ASAP1: variants seen among roughly 807,000 people sequenced by gnomAD.
ASAP1 encodes ArfGAP with SH3 domain, ankyrin repeat and PH domain 1, also known as arf-GAP with SH3 domain, ANK repeat and PH domain-containing protein 1.
In ASAP1, 43 loss-of-function variants were observed where a neutral mutation model predicts 145.2. The observed-to-expected ratio is 0.30, with a 90% CI of 0.23 to 0.38. The LOEUF is 0.38. Among genes scored for constraint, ASAP1 ranks in the 10% least tolerant of loss-of-function variants. The probability of loss-of-function intolerance (pLI) is 1.00; values close to 1 mark genes in which losing one functional copy is unlikely to be tolerated. For missense variants in ASAP1, 1,018 were observed against 1,355.3 expected, an observed-to-expected ratio of 0.75 and a Z score of 3.91; for synonymous variants, 546 against 515.5, an observed-to-expected ratio of 1.06 and a Z score of -0.80.
At position 130,125,992 on chromosome 8, in the gene ASAP1, A is replaced by G. The variant is rs1225718295; in HGVS notation, c.1479T>C (p.Ser493=). ...AAGTTCCTAATTTGTCTAGTTCCAA[A>G]GACTGAATGCGAGAAATATGAACCC... is the stretch of plus-strand genomic sequence containing the variant. The part of the protein sequence containing the change: ...EMGVHISRIQ[S]LELDKLGTSE... The change falls in exon 17 of 30, where the codon TCT becomes TCC. Residue 493 remains serine (S), a synonymous_variant. Transcript: ENST00000518721. 2.5e-6 allele frequency: 4 copies of G among 1,614,034 alleles called. No homozygotes were observed. Among genetic ancestry groups the G allele is most frequent in the Admixed American group, 3.3e-5 (2 of 59,990 alleles).
At chr8:130,242,563 T>A (rs769684074) in intron 3 of ASAP1, among the ~76,000 whole-genome samples, 3 of 152,086 alleles carry the variant, frequency 2.0e-5, no homozygotes, top group Non-Finnish European at 4.4e-5. Flanking sequence ...TGAAGAGCAA[T>A]GTGTTTAGGG....
intron 3 of ASAP1, among the ~76,000 whole-genome samples, chr8:130,280,357 T>C (rs1352659548): frequency 6.6e-6 from 1 of 152,264 alleles, no homozygotes; most frequent in African/African-American, 2.4e-5. Flanking sequence ...TGTGATTATA[T>C]GTCCCAAGAA....
At chr8:130,246,535 A>ACT (rs764847111) in intron 3 of ASAP1, among the ~76,000 whole-genome samples, 64 of 151,154 alleles carry the variant, frequency 4.2e-4, no homozygotes, top group Non-Finnish European at 8.7e-4. Context: ...CGGTGCTTCC[A>ACT]CTCTCTCTCT....
intron 3 of ASAP1, among the ~76,000 whole-genome samples, chr8:130,349,578 T>C (rs988040822): frequency 1.3e-5 from 2 of 152,138 alleles, no homozygotes; most frequent in Admixed American, 6.5e-5. Context: ...CTAGAAGTAA[T>C]AGGGATACAA....
At position 130,358,040 on chromosome 8, in the gene ASAP1, T is replaced by G; in HGVS notation, c.163A>C (p.Asn55His). The change falls in exon 3 of 30, where the codon AAC (asparagine) becomes CAC (histidine). Residue 55 changes from asparagine to histidine, a missense_variant. Transcript: ENST00000518721. This position sits in a 1 kb window ranked among gnomAD's most constrained non-coding sequence, Gnocchi z 4.1. Reference sequence around the variant, plus strand: ...ACCTCCTCCAGCAGCGTGACGGTGTTCCTGCAGTTGTGCAGCCGCGTGGTG... The same window carrying G: ...ACCTCCTCCAGCAGCGTGACGGTGTGCCTGCAGTTGTGCAGCCGCGTGGTG... ...SFTTRLHNCR[N>H]TVTLLEEALD... 1 of 1,609,490 alleles carries G rather than the reference T, an allele frequency of 6.2e-7. No individual in the cohort carries two copies. Among genetic ancestry groups the G allele is most frequent in the Non-Finnish European group, 8.5e-7 (1 of 1,178,622 alleles).
chr8:130,220,215 T>G (rs2136486757), intron 4 of ASAP1, among the ~76,000 whole-genome samples: 1 of 152,358 alleles, frequency 6.6e-6, no homozygotes, highest in Middle Eastern at 3.4e-3. Flanking sequence ...CGATTTCAAC[T>G]GCCAGCATTT....
At chr8:130,087,367 A>G (rs1458735472) in intron 25 of ASAP1, among the ~76,000 whole-genome samples, 1 of 152,126 alleles carries the variant, frequency 6.6e-6, no homozygotes, top group African/African-American at 2.4e-5. Flanking sequence ...TAAAAATACA[A>G]AAATCAGCTG....
At chr8:130,363,136 G>A (rs1826795499) in intron 2 of ASAP1, among the ~76,000 whole-genome samples, 2 of 152,304 alleles carry the variant, frequency 1.3e-5, no homozygotes, top group African/African-American at 2.4e-5. Context: ...ACGAGCTAAG[G>A]TATATAAAGT....
intron 3 of ASAP1, among the ~76,000 whole-genome samples, chr8:130,267,099 T>A: frequency 8.0e-6 from 1 of 125,758 alleles, no homozygotes; most frequent in African/African-American, 2.6e-5. Context: ...TGAGACTCTG[T>A]CTCAAAACAA....
chr8:130,421,963 G>C (rs1829736277), intron 1 of ASAP1, among the ~76,000 whole-genome samples: 1 of 152,170 alleles, frequency 6.6e-6, no homozygotes, highest in Admixed American at 6.5e-5. Context: ...TCTGCTCTCA[G>C]AAAGCCACAA....
intron 4 of ASAP1, among the ~76,000 whole-genome samples, chr8:130,215,514 C>A (rs964261177): frequency 2.6e-5 from 4 of 151,970 alleles, no homozygotes; most frequent in African/African-American, 9.7e-5. Context: ...GAGGCCAAGG[C>A]GGGCCGATCA....
At chr8:130,394,659 G>A (rs188901461) in intron 2 of ASAP1, among the ~76,000 whole-genome samples, 2 of 152,154 alleles carry the variant, frequency 1.3e-5, no homozygotes, top group Non-Finnish European at 2.9e-5. Flanking sequence ...TGCGGCTTGT[G>A]GGGCATCACG....
intron 3 of ASAP1, among the ~76,000 whole-genome samples, chr8:130,280,110 T>C (rs905898028): frequency 6.6e-6 from 1 of 152,200 alleles, no homozygotes; most frequent in African/African-American, 2.4e-5. Flanking sequence ...AAGGAAACCA[T>C]GGTTCAGAGG....
At chr8:130,344,650 C>T (rs185026602) in intron 3 of ASAP1, among the ~76,000 whole-genome samples, 23 of 152,318 alleles carry the variant, frequency 1.5e-4, no homozygotes, top group Non-Finnish European at 2.6e-4. Flanking sequence ...AGCGAGATCA[C>T]TTGAGCCCAG....
intron 1 of ASAP1, among the ~76,000 whole-genome samples, chr8:130,431,246 C>T (rs1235110907): frequency 2.6e-5 from 4 of 152,176 alleles, no homozygotes; most frequent in Non-Finnish European, 5.9e-5. Context: ...CTGGCATCAA[C>T]CACCTAATCT....
chr8:130,109,569 G>A (rs1420040535), intron 24 of ASAP1, among the ~76,000 whole-genome samples: 1 of 152,000 alleles, frequency 6.6e-6, no homozygotes, highest in Non-Finnish European at 1.5e-5. Flanking sequence ...TATTTGTCAT[G>A]GAGAACAAGG....
intron 3 of ASAP1, among the ~76,000 whole-genome samples, chr8:130,344,923 T>G (rs904036185): frequency 1.3e-5 from 2 of 152,202 alleles, no homozygotes; most frequent in African/African-American, 2.4e-5. Flanking sequence ...CCGTATGTTT[T>G]AGTCCTAAAG....
chr8:130,110,406 C>G (rs536140339), intron 24 of ASAP1, among the ~76,000 whole-genome samples: 1 of 152,308 alleles, frequency 6.6e-6, no homozygotes, highest in African/African-American at 2.4e-5. Context: ...TGTATTCAGT[C>G]TGGAGGCTTC....
chr8:130,052,259 G>A lies in ASAP1; in HGVS notation c.*2472C>T, dbSNP rs2097394405. 6.6e-6 allele frequency: 1 copy of A among 152,638 alleles called. No homozygotes were observed. The highest frequency in any genetic ancestry group is 2.4e-5 in the African/African-American group (1 of 41,454). 9.5% of individuals were successfully genotyped at this position (152,638 alleles called of 1,614,324 possible). A position where few individuals can be genotyped will look rare whatever the true frequency, so the allele number is the denominator to read the frequency against. ...ATGGTAACATCCAGATGAGAATTCG[G>A]CATTTAACTAGTGGCACTACAGGAT... On this transcript the variant is annotated 3_prime_UTR_variant, in exon 30 of 30. Coordinates refer to ENST00000518721, the MANE Select transcript of ASAP1 (RefSeq NM_018482.4).
Sources: gnomAD v4.1 joint callset for allele counts (sites outside exome capture counted in the v4.1 genomes callset) on GRCh38, gnomAD v4.1.1 for gene constraint, Gnocchi (gnomAD v3.1) non-coding constraint, MANE v1.5 for transcripts, NCBI Gene and HGNC (gene_info 2026-07-23, HGNC 2026-07-21) for gene names.